Variants in LRRIQ1 observed in about 807,000 individuals in gnomAD.
LRRIQ1 encodes the protein leucine-rich repeat- and IQ domain-containing protein 1.
In LRRIQ1, 210 loss-of-function variants were observed where a neutral mutation model predicts 211.9. The ratio of observed to expected loss-of-function variants is 0.99; its 90% CI spans 0.89 to 1.11. LRRIQ1 has a LOEUF of 1.11. Ranked by LOEUF, LRRIQ1 falls within the 50% of genes most tolerant of loss-of-function variation. LRRIQ1 has a pLI of 0.00. For missense variants in LRRIQ1, 2,136 were observed against 1,939.5 expected, an observed-to-expected ratio of 1.10 and a Z score of -1.90; for synonymous variants, 699 against 650.1, an observed-to-expected ratio of 1.08 and a Z score of -1.14.
At chr12:85,225,788 A>G (rs1369812396) in intron 24 of LRRIQ1, among the ~76,000 whole-genome samples, 11 of 152,184 alleles carry the variant, frequency 7.2e-5, no homozygotes. Flanking sequence ...GTATCCGTTA[A>G]TTTATCCAGG....
intron 8 of LRRIQ1, among the ~76,000 whole-genome samples, chr12:85,058,032 G>C (rs1881329183): frequency 1.3e-5 from 2 of 151,818 alleles, no homozygotes; most frequent in African/African-American, 4.8e-5. Context: ...TATCCAATAA[G>C]ATGATCAATA....
At chr12:85,043,801 T>A (rs1879200538) in intron 3 of LRRIQ1, among the ~76,000 whole-genome samples, 1 of 152,064 alleles carries the variant, frequency 6.6e-6, no homozygotes, top group Admixed American at 6.6e-5. Context: ...TCTGCTATAC[T>A]TAAGAAGTTC....
At chr12:85,188,443 A>G (rs1264531551) in intron 24 of LRRIQ1, among the ~76,000 whole-genome samples, 1 of 152,144 alleles carries the variant, frequency 6.6e-6, no homozygotes, top group African/African-American at 2.4e-5. Flanking sequence ...GCTGCCAACC[A>G]GGTGATAGGT....
intron 19 of LRRIQ1, among the ~76,000 whole-genome samples, chr12:85,139,840 G>A (rs913024822): frequency 3.3e-5 from 5 of 151,390 alleles, no homozygotes; most frequent in South Asian, 4.1e-4. Context: ...TGATTAGCAC[G>A]TTTCTAGAAA....
intron 17 of LRRIQ1, 95 bp from the exon 18 acceptor site, chr12:85,127,737 T>G (rs1888465322): frequency 3.1e-6 from 3 of 979,644 alleles, no homozygotes. Flanking sequence ...TTATGTGTTC[T>G]TTGTTTAAAA....
At chr12:85,236,830 C>CATATATATATATATCTATATAT (rs1555228690) in intron 26 of LRRIQ1, among the ~76,000 whole-genome samples, 5 of 108,802 alleles carry the variant, frequency 4.6e-5, no homozygotes, top group East Asian at 5.0e-4. Flanking sequence ...TGTATGTGTG[C>CATATATATATATATCTATATAT]ATATATATAT....
At chr12:85,068,786 CTT>C (rs1232759930) in intron 10 of LRRIQ1, among the ~76,000 whole-genome samples, 1 of 141,830 alleles carries the variant, frequency 7.1e-6, no homozygotes, top group African/African-American at 2.6e-5. Context: ...GTCCTCACGG[CTT>C]TTTTTTTTTC....
chr12:85,063,441 A>G (rs1242949275), intron 8 of LRRIQ1, among the ~76,000 whole-genome samples: 1 of 151,716 alleles, frequency 6.6e-6, no homozygotes, highest in Non-Finnish European at 1.5e-5. Flanking sequence ...TTTATGGGAC[A>G]CATGATATAT....
rs1034821253 is a variant in LRRIQ1, at chr12:85,244,804, A to G, written c.5032A>G (p.Arg1678Gly). Reference protein sequence around the residue: ...RVQLVARLVSREDTDLDLFSM... With the variant: ...RVQLVARLVSGEDTDLDLFSM... ...TTGCTCCCAGGCAAGACTTGTAAGCAGAGAAGACACGGATTTAGACCTTTT... is the reference window on the plus strand; with the variant it reads ...TTGCTCCCAGGCAAGACTTGTAAGCGGAGAAGACACGGATTTAGACCTTTT... The change falls in exon 27 of 27, where the codon AGA (arginine) becomes GGA (glycine). Residue 1678 changes from arginine to glycine, a missense_variant. Arg to Gly is a moderately radical substitution (Grantham distance 125). Coordinates refer to ENST00000393217, the MANE Select transcript of LRRIQ1 (RefSeq NM_001079910.2). 2 of 1,611,340 alleles carry G rather than the reference A, an allele frequency of 1.2e-6. No homozygotes were observed. Among genetic ancestry groups the G allele is most frequent in the African/African-American group, 2.7e-5 (2 of 74,744 alleles).
At chr12:85,123,626 A>G (rs1888143909) in intron 16 of LRRIQ1, among the ~76,000 whole-genome samples, 1 of 152,142 alleles carries the variant, frequency 6.6e-6, no homozygotes, top group South Asian at 2.1e-4. Flanking sequence ...TGGGAATAAA[A>G]ATTTTCCCAT....
chr12:85,109,545 G>A (rs187482244), intron 15 of LRRIQ1, among the ~76,000 whole-genome samples: 2 of 152,124 alleles, frequency 1.3e-5, no homozygotes, highest in East Asian at 1.9e-4. Flanking sequence ...CCAAGTGTAC[G>A]TTAAGCTGTG....
chr12:85,132,390 A>G (rs921901306), intron 18 of LRRIQ1, among the ~76,000 whole-genome samples: 1 of 152,168 alleles, frequency 6.6e-6, no homozygotes, highest in Admixed American at 6.6e-5. Context: ...CCTAGCAGGA[A>G]GAAGCCACTT....
intron 15 of LRRIQ1, among the ~76,000 whole-genome samples, chr12:85,119,077 G>A (rs1054335171): frequency 6.6e-6 from 1 of 151,978 alleles, no homozygotes; most frequent in Non-Finnish European, 1.5e-5. Flanking sequence ...TAATCTATAA[G>A]TTTTGACAAA....
In LRRIQ1 at chr12:85,124,244, G is replaced by C. The variant is rs1386333651; in HGVS notation, c.3732G>C (p.Leu1244=). 6.2e-7 allele frequency: 1 copy of C among 1,614,066 alleles called. No homozygotes were observed. The highest frequency in any genetic ancestry group is 2.2e-5 in the East Asian group (1 of 44,868). Residue 1244 remains leucine (L), a synonymous_variant, in exon 17 of 27, where the codon CTG becomes CTC. Coordinates refer to ENST00000393217, the MANE Select transcript of LRRIQ1 (RefSeq NM_001079910.2). Reference sequence around the variant, plus strand: ...CCCCTACAAACAGTGACAGCACTCTGCAAAATGGAGTCTTCTACTCTTGTG... The same window carrying C: ...CCCCTACAAACAGTGACAGCACTCTCCAAAATGGAGTCTTCTACTCTTGTG... ...HLAPTNSDST[L]QNGVFYSCAR... is the part of the protein sequence containing the mutation.
intron 8 of LRRIQ1, among the ~76,000 whole-genome samples, chr12:85,061,786 C>G (rs1297312623): frequency 6.6e-6 from 1 of 151,576 alleles, no homozygotes; most frequent in East Asian, 1.9e-4. Flanking sequence ...AGTTATCTCC[C>G]TACAAATTGA....
At chr12:85,120,082 T>G (rs1255716086) in intron 15 of LRRIQ1, among the ~76,000 whole-genome samples, 1 of 152,194 alleles carries the variant, frequency 6.6e-6, no homozygotes, top group Non-Finnish European at 1.5e-5. Flanking sequence ...CTCTCCTTCC[T>G]TTTGCATTTT....
Position 85,098,889 on chromosome 12 carries a change from T to C in LRRIQ1, c.3104T>C (p.Val1035Ala). 1 of 1,557,484 alleles carries C rather than the reference T, an allele frequency of 6.4e-7. No homozygotes were observed. Among genetic ancestry groups the C allele is most frequent in the Non-Finnish European group, 8.7e-7 (1 of 1,151,174 alleles). Residue 1035 changes from valine (V) to alanine (A), a missense_variant, in exon 13 of 27, where the codon GTT becomes GCT. Coordinates refer to ENST00000393217, the MANE Select transcript of LRRIQ1 (RefSeq NM_001079910.2). ...TAGCTTCCATCCTTGGAGAATCTTG[T>C]TTTACTAAGAGAATTGCACTTGGAT... Reference protein sequence around the residue: ...LSELPSLENLVLLRELHLDDN... With the variant: ...LSELPSLENLALLRELHLDDN...
chr12:85,057,066 A>G lies in LRRIQ1; in HGVS notation c.2273A>G (p.Gln758Arg). The change falls in exon 8 of 27, where the codon CAA (glutamine) becomes CGA (arginine). Residue 758 changes from glutamine to arginine, a missense_variant. Transcript: ENST00000393217. ...AAACCTTGGCTTGAAATTTTCAAGC[A>G]AAATCAACAAAAGAAAATTGTTAGA... is the stretch of plus-strand genomic sequence containing the variant. ...SFKPWLEIFK[Q>R]NQQKKIVRRK... The G allele has an allele frequency of 1.2e-6, 2 of 1,609,434 alleles. No homozygotes were observed. The highest frequency in any genetic ancestry group is 2.7e-5 in the African/African-American group (2 of 74,618).
At chr12:85,244,510 C>A (rs1895624615) in intron 26 of LRRIQ1, among the ~76,000 whole-genome samples, 1 of 151,516 alleles carries the variant, frequency 6.6e-6, no homozygotes, top group South Asian at 2.1e-4. Context: ...CATCAGCTAC[C>A]TTTGATATTG....
Sources: allele counts gnomAD v4.1 joint callset (sites outside exome capture counted in the v4.1 genomes callset), GRCh38; gene constraint gnomAD v4.1.1; transcripts MANE v1.5; gene names NCBI Gene and HGNC (gene_info 2026-07-23, HGNC 2026-07-21).